The following RORB variants were observed in gnomAD, a reference collection of about 807,000 sequenced individuals.
RORB encodes RAR related orphan receptor B.
Under a neutral mutation model 59.1 loss-of-function variants are expected in RORB, and 6 were observed. The ratio of observed to expected loss-of-function variants is 0.10; its 90% CI spans 0.06 to 0.20. RORB has a LOEUF of 0.20. RORB is among the 10% of genes least tolerant of loss of function. RORB has a pLI of 1.00. For synonymous variants in RORB, 215 were observed against 204.5 expected, an observed-to-expected ratio of 1.05 and a Z score of -0.44; for missense variants, 320 against 560.5, an observed-to-expected ratio of 0.57 and a Z score of 4.33.
chr9:74,498,300 G>A (rs1328864449), intron 1 of RORB: 1 of 433,206 alleles, frequency 2.3e-6, no homozygotes, highest in Admixed American at 3.5e-5. Context: ...GGAAGCGGAC[G>A]CGGGATGGAG....
intron 1 of RORB, among the ~76,000 whole-genome samples, chr9:74,618,659 C>T (rs1052032189): frequency 4.6e-5 from 7 of 152,056 alleles, no homozygotes; most frequent in African/African-American, 1.7e-4. Flanking sequence ...CAGGAATGGT[C>T]TCTACTGCGT....
At chr9:74,498,763 C>G (rs900617631) in intron 1 of RORB, 1 of 154,158 alleles carries the variant, frequency 6.5e-6, no homozygotes, top group Non-Finnish European at 1.4e-5. Flanking sequence ...AGATAAAGGG[C>G]CGGTAGTGGA....
chr9:74,679,079 C>A (rs1824497465), intron 9 of RORB, among the ~76,000 whole-genome samples: 1 of 148,792 alleles, frequency 6.7e-6, no homozygotes, highest in Admixed American at 6.7e-5. Flanking sequence ...ACAAAAAAAC[C>A]AACCAAACAA....
intron 1 of RORB, among the ~76,000 whole-genome samples, chr9:74,503,110 CTATT>C (rs1423574531): frequency 1.3e-5 from 2 of 151,972 alleles, no homozygotes; most frequent in African/African-American, 2.4e-5. Flanking sequence ...GTTATTCTAT[CTATT>C]CTTATCTAAA....
intron 3 of RORB, among the ~76,000 whole-genome samples, chr9:74,636,171 G>A (rs62569153): frequency 0.24 from 36,325 of 151,930 alleles, 4,388 homozygotes; most frequent in South Asian, 0.31. Context: ...TTAAGAGAGA[G>A]GATTAAGTAG....
At chr9:74,587,288 T>C (rs1159812583) in intron 1 of RORB, among the ~76,000 whole-genome samples, 1 of 152,194 alleles carries the variant, frequency 6.6e-6, no homozygotes, top group Non-Finnish European at 1.5e-5. Context: ...CGAAATTCTT[T>C]ATCAGAAGTT....
At position 74,648,409 on chromosome 9, in the gene RORB, T is replaced by G. The variant is rs776111248; in HGVS notation, c.637+5594T>G. 2.8e-4 allele frequency among the ~76,000 whole-genome samples: 43 copies of G among 152,306 alleles called. No homozygotes were observed. The South Asian group carries it at 4.3e-3, about 15-fold the overall frequency. On this transcript the variant is annotated intron_variant, in intron 4 of 9. Transcript: ENST00000376896. ...ATAAGACAATTGGATCAAATGACTTTTAAAGACTATGGTTCTCTCATCTTC... is the reference window on the plus strand; with the variant it reads ...ATAAGACAATTGGATCAAATGACTTGTAAAGACTATGGTTCTCTCATCTTC...
chr9:74,502,348 CA>C (rs1394254155), intron 1 of RORB, among the ~76,000 whole-genome samples: 1 of 151,954 alleles, frequency 6.6e-6, no homozygotes, highest in African/African-American at 2.4e-5. Flanking sequence ...CAGTTGTCAA[CA>C]GGGATTTAAT....
chr9:74,541,138 G>T (rs1430315795), intron 1 of RORB, among the ~76,000 whole-genome samples: 1 of 151,646 alleles, frequency 6.6e-6, no homozygotes, highest in Non-Finnish European at 1.5e-5. Flanking sequence ...AAAGTAGCCG[G>T]GTGTGGTGGT....
intron 4 of RORB, among the ~76,000 whole-genome samples, chr9:74,648,442 C>T (rs1014511824): frequency 6.6e-6 from 1 of 152,196 alleles, no homozygotes; most frequent in Non-Finnish European, 1.5e-5. Context: ...TTCCAGGGAG[C>T]TTTGGTCATG....
At chr9:74,612,315 C>T (rs1159440822) in intron 1 of RORB, among the ~76,000 whole-genome samples, 1 of 152,050 alleles carries the variant, frequency 6.6e-6, no homozygotes, top group Non-Finnish European at 1.5e-5. Flanking sequence ...GAATGGATGG[C>T]TTTGACCTAG....
At chr9:74,535,762 TA>T (rs907966292) in intron 1 of RORB, among the ~76,000 whole-genome samples, 5 of 151,858 alleles carry the variant, frequency 3.3e-5, no homozygotes, top group Non-Finnish European at 5.9e-5. Flanking sequence ...GGGGAATTGC[TA>T]AAAAAAATCT....
chr9:74,508,674 C>G (rs1587332168), intron 1 of RORB, among the ~76,000 whole-genome samples: 1 of 151,986 alleles, frequency 6.6e-6, no homozygotes, highest in African/African-American at 2.4e-5. Context: ...AGATAACAGT[C>G]TCAAGCACAG....
Position 74,554,355 on chromosome 9 carries a change from C to T in RORB, c.7+56372C>T, listed in dbSNP as rs1237843138. 2.6e-5 allele frequency among the ~76,000 whole-genome samples: 4 copies of T among 152,210 alleles called. No individual in the cohort carries two copies. The East Asian group carries it at 7.7e-4, about 29-fold the overall frequency. ...CCCAGGTTAGGTCCAATCATCATTG[C>T]TTTTTGTCTGTGCCCTCCTATCCTA... On this transcript the variant is annotated intron_variant, in intron 1 of 9. Coordinates refer to ENST00000376896, the MANE Select transcript of RORB (RefSeq NM_006914.4).
chr9:74,526,898 T>C (rs963957362), intron 1 of RORB, among the ~76,000 whole-genome samples: 3 of 152,064 alleles, frequency 2.0e-5, no homozygotes, highest in East Asian at 3.9e-4. Context: ...ACTGGACTTA[T>C]GATTAGAGAG....
intron 1 of RORB, among the ~76,000 whole-genome samples, chr9:74,556,544 C>A (rs1822292772): frequency 6.6e-6 from 1 of 152,166 alleles, no homozygotes; most frequent in Non-Finnish European, 1.5e-5. Flanking sequence ...GTTCAGGAAA[C>A]AAAGCCCACC....
At chr9:74,606,715 G>A (rs1430616097) in intron 1 of RORB, among the ~76,000 whole-genome samples, 4 of 152,216 alleles carry the variant, frequency 2.6e-5, no homozygotes, top group Admixed American at 2.0e-4. Context: ...TTTTGGAACA[G>A]AGCTAAGTTG....
At chr9:74,610,408 A>G (rs1458611041) in intron 1 of RORB, among the ~76,000 whole-genome samples, 2 of 152,224 alleles carry the variant, frequency 1.3e-5, no homozygotes, top group African/African-American at 2.4e-5. Flanking sequence ...AACACTTTCT[A>G]TTCTCCACTA....
At chr9:74,655,886 C>T (rs1345562319) in intron 4 of RORB, among the ~76,000 whole-genome samples, 1 of 152,208 alleles carries the variant, frequency 6.6e-6, no homozygotes, top group Non-Finnish European at 1.5e-5. Context: ...CATGGCTCAC[C>T]TCTGCACTGC....
Sources: gnomAD v4.1 joint callset for allele counts (sites outside exome capture counted in the v4.1 genomes callset) on GRCh38, gnomAD v4.1.1 for gene constraint, MANE v1.5 for transcripts, NCBI Gene and HGNC (gene_info 2026-07-23, HGNC 2026-07-21) for gene names.